The following EPHB2 variants were observed in gnomAD, a reference collection of about 807,000 sequenced individuals.
The protein encoded by EPHB2 is EPH receptor B2, also known as ephrin type-B receptor 2.
In EPHB2, 18 loss-of-function variants were observed where a neutral mutation model predicts 96.4. The ratio of observed to expected loss-of-function variants is 0.19; its 90% CI spans 0.13 to 0.28. The LOEUF (loss-of-function observed/expected upper bound fraction) is 0.28. EPHB2 is among the 10% of genes least tolerant of loss of function. The probability of loss-of-function intolerance (pLI) is 1.00; values close to 1 mark genes in which losing one functional copy is unlikely to be tolerated. For synonymous variants in EPHB2, 506 were observed against 534.1 expected (o/e 0.95, Z 0.72); for missense variants, 989 against 1,355.4 (o/e 0.73, Z 4.25).
intron 1 of EPHB2, among the ~76,000 whole-genome samples, chr1:22,741,692 A>AAAAAAAAAAAC (rs1452051468): frequency 6.7e-6 from 1 of 148,954 alleles, no homozygotes; most frequent in East Asian, 1.9e-4. Context: ...AAAAAAACAA[A>AAAAAAAAAAAC]AAAACAAAAA....
chr1:22,895,473 C>T lies in EPHB2; in HGVS notation c.1593C>T (p.Ala531=). The T allele has an allele frequency of 1.2e-6, 2 of 1,614,220 alleles. No homozygotes were observed. The highest frequency in any genetic ancestry group is 1.7e-6 in the Non-Finnish European group (2 of 1,180,030). Residue 531 remains alanine, a splice_region_variant and synonymous_variant, in exon 8 of 16, where the codon GCC becomes GCT. Transcript: ENST00000374630. ...GKMYFQTMTE[A]EYQTSIQEKL... is the part of the protein sequence containing the mutation. Reference sequence around the variant, plus strand: ...TGCCCTACCATGCTTTCTCCCCAGCCGAGTACCAGACAAGCATCCAGGAGA... The same window carrying T: ...TGCCCTACCATGCTTTCTCCCCAGCTGAGTACCAGACAAGCATCCAGGAGA...
At chr1:22,871,758 C>A (rs1638676108) in intron 5 of EPHB2, among the ~76,000 whole-genome samples, 1 of 152,198 alleles carries the variant, frequency 6.6e-6, no homozygotes, top group Non-Finnish European at 1.5e-5. Flanking sequence ...TGGCTCATGC[C>A]TGTAATCCCA....
chr1:22,775,519 C>T (rs1045012098), intron 1 of EPHB2, among the ~76,000 whole-genome samples: 1 of 152,268 alleles, frequency 6.6e-6, no homozygotes. Context: ...AGGGAGCAAC[C>T]ACCCGCTCCA....
At position 22,860,995 on chromosome 1, in the gene EPHB2, G is replaced by A. The variant is rs1328420044; in HGVS notation, c.812-2042G>A. ...GTAATCCTCATGATTACTTTATGTG[G>A]TAGATGCTCTTACCAATGAGAACAA... On this transcript the variant is annotated intron_variant, in intron 3 of 15. Coordinates refer to ENST00000374630, the MANE Select transcript of EPHB2 (RefSeq NM_017449.5). This position sits in a 1 kb window ranked among gnomAD's most constrained non-coding sequence, Gnocchi z 4.6. Among the ~76,000 whole-genome samples the A allele has an allele frequency of 1.3e-5, 2 of 152,200 alleles. 1 individual carries two copies. Among genetic ancestry groups the A allele is most frequent in the African/African-American group, 4.8e-5 (2 of 41,448 alleles).
chr1:22,838,165 C>G (rs534380815), intron 3 of EPHB2, among the ~76,000 whole-genome samples: 1 of 152,300 alleles, frequency 6.6e-6, no homozygotes, highest in South Asian at 2.1e-4. Flanking sequence ...CTAGCAGATC[C>G]CATGCCCTCT....
intron 1 of EPHB2, among the ~76,000 whole-genome samples, chr1:22,741,541 T>G (rs1643902510): frequency 6.6e-6 from 1 of 152,030 alleles, no homozygotes; most frequent in South Asian, 2.1e-4. Flanking sequence ...TGGCACATAG[T>G]AGGCACTTAA....
At chr1:22,872,271 C>T (rs1417045961) in intron 5 of EPHB2, among the ~76,000 whole-genome samples, 1 of 152,064 alleles carries the variant, frequency 6.6e-6, no homozygotes, top group Non-Finnish European at 1.5e-5. Flanking sequence ...AGCAGCAGGG[C>T]ATTGAGTCTT....
chr1:22,810,584 G>A (rs2817874), intron 3 of EPHB2, among the ~76,000 whole-genome samples: 1,562 of 152,326 alleles, frequency 0.01, 40 homozygotes, highest in African/African-American at 0.036. Context: ...GAGAGAATGA[G>A]TGGTAAATCC....
chr1:22,877,441 A>G (rs1035513975), intron 5 of EPHB2, among the ~76,000 whole-genome samples: 1 of 152,076 alleles, frequency 6.6e-6, no homozygotes, highest in Non-Finnish European at 1.5e-5. Flanking sequence ...AAGCTGAATG[A>G]CAAGCTTGTT....
At chr1:22,827,555 G>A (rs2148481925) in intron 3 of EPHB2, among the ~76,000 whole-genome samples, 1 of 152,340 alleles carries the variant, frequency 6.6e-6, no homozygotes, top group Non-Finnish European at 1.5e-5. Context: ...TGCATCTCCT[G>A]AAATCTCAAT....
At chr1:22,779,130 A>G (rs922485156) in intron 1 of EPHB2, among the ~76,000 whole-genome samples, 3 of 152,372 alleles carry the variant, frequency 2.0e-5, no homozygotes, top group Admixed American at 1.3e-4. Flanking sequence ...GAGGCCGATG[A>G]GAGAAAACAG....
chr1:22,767,221 A>T (rs185980930), intron 1 of EPHB2, among the ~76,000 whole-genome samples: 3 of 152,306 alleles, frequency 2.0e-5, no homozygotes, highest in South Asian at 2.1e-4. Context: ...TGGAGGGTGA[A>T]TTGGAGCCCA....
At chr1:22,797,921 A>C (rs1644790396) in intron 3 of EPHB2, among the ~76,000 whole-genome samples, 1 of 152,030 alleles carries the variant, frequency 6.6e-6, no homozygotes, top group African/African-American at 2.4e-5. Flanking sequence ...TCTCTGCCCA[A>C]ATGTCACCTG....
chr1:22,778,482 C>G (rs2148415371), intron 1 of EPHB2, among the ~76,000 whole-genome samples: 1 of 152,276 alleles, frequency 6.6e-6, no homozygotes, highest in South Asian at 2.1e-4. Context: ...AAGCAAAAGA[C>G]CAGGTTGGGG....
chr1:22,784,754 G>A lies in EPHB2; in HGVS notation c.489G>A (p.Val163=), dbSNP rs757401673. The A allele has an allele frequency of 6.2e-7, 1 of 1,611,714 alleles. No homozygotes were observed. The highest frequency in any genetic ancestry group is 8.5e-7 in the Non-Finnish European group (1 of 1,178,162). Residue 163 remains valine (V), a synonymous_variant, in exon 3 of 16, where the codon GTG becomes GTA. Coordinates refer to ENST00000374630, the MANE Select transcript of EPHB2 (RefSeq NM_017449.5). This position sits in a 1 kb window ranked among gnomAD's most constrained non-coding sequence, Gnocchi z 5.1. ...GCGTCATGAAAATCAACACCGAGGTGCGGAGCTTCGGACCTGTGTCCCGCA... is the reference window on the plus strand; with the variant it reads ...GCGTCATGAAAATCAACACCGAGGTACGGAGCTTCGGACCTGTGTCCCGCA... ...GGRVMKINTE[V]RSFGPVSRSG...
chr1:22,721,798 G>A (rs1462207184), intron 1 of EPHB2, among the ~76,000 whole-genome samples: 1 of 147,138 alleles, frequency 6.8e-6, no homozygotes, highest in East Asian at 2.0e-4. Context: ...TTTTTTTGTA[G>A]AGACAGAGTC....
In EPHB2 at chr1:22,864,956, C is replaced by G; in HGVS notation, c.1047C>G (p.Asp349Glu). The G allele has an allele frequency of 6.2e-7, 1 of 1,604,076 alleles. No homozygotes were observed. Residue 349 changes from aspartate to glutamate, a missense_variant, in exon 5 of 16, where the codon GAC becomes GAG. Asp to Glu is a conservative substitution (Grantham distance 45). Transcript: ENST00000374630. ...TGCTGGAGTGGACCCCTCCCCGCGA[C>G]TCCGGAGGCCGAGAGGACCTCGTCT... The part of the protein sequence containing the change: ...SLMLEWTPPR[D>E]SGGREDLVYN...
intron 1 of EPHB2, among the ~76,000 whole-genome samples, chr1:22,750,102 G>A (rs948613924): frequency 2.0e-5 from 3 of 152,216 alleles, no homozygotes; most frequent in Non-Finnish European, 4.4e-5. Flanking sequence ...ACAGACCAGA[G>A]CAGGGATGTG....
intron 1 of EPHB2, among the ~76,000 whole-genome samples, chr1:22,748,875 C>G (rs1403057303): frequency 6.9e-6 from 1 of 144,886 alleles, no homozygotes; most frequent in Non-Finnish European, 1.5e-5. Flanking sequence ...AAAGTAATGG[C>G]AAAAACCAGA....
Sources: gnomAD v4.1 joint callset for allele counts (sites outside exome capture counted in the v4.1 genomes callset) on GRCh38, gnomAD v4.1.1 for gene constraint, Gnocchi (gnomAD v3.1) non-coding constraint, MANE v1.5 for transcripts, NCBI Gene and HGNC (gene_info 2026-07-23, HGNC 2026-07-21) for gene names.